The following MXRA8 variants were observed in gnomAD, a reference collection of about 807,000 sequenced individuals.
MXRA8 encodes matrix remodeling associated 8.
Under a neutral mutation model 51.4 loss-of-function variants are expected in MXRA8, and 44 were observed. The ratio of observed to expected loss-of-function variants is 0.86; its 90% confidence interval spans 0.67 to 1.10. MXRA8 has a LOEUF of 1.10. Ranked by LOEUF, MXRA8 falls within the 50% of genes least tolerant of loss-of-function variation. MXRA8 has a pLI of 0.00. For synonymous variants in MXRA8, 369 were observed against 293.5 expected (o/e 1.26, Z -2.63); for missense variants, 765 against 638.9 (o/e 1.20, Z -2.13).
upstream of MXRA8, among the ~76,000 whole-genome samples, chr1:1,362,780 C>A (rs1473912529): frequency 9.2e-5 from 13 of 141,150 alleles, no homozygotes; most frequent in South Asian, 4.5e-4. Context: ...GACTCCATCT[C>A]AAAAAAAAAA....
Position 1,354,499 on chromosome 1 carries a change from C to T in MXRA8, c.960G>A (p.Leu320=). The change falls in exon 6 of 10, where the codon CTG becomes CTA. Residue 320 remains leucine, a synonymous_variant. Coordinates refer to ENST00000309212, the MANE Select transcript of MXRA8 (RefSeq NM_032348.4). ...CATTGATGACGTTGTGGCCGCGCGC[C>T]AGTGTGGGGTCTGCGGGGAACGCGG... The part of the protein sequence containing the change: ...HSGAPGPDPT[L]ARGHNVINVI... The T allele has an allele frequency of 1.9e-6, 3 of 1,611,984 alleles. No homozygotes were observed. The highest frequency in any genetic ancestry group is 2.5e-6 in the Non-Finnish European group (3 of 1,179,680).
In MXRA8 at chr1:1,354,012, G is replaced by A; in HGVS notation, c.1222+18C>T. ...CTGGGAGCCGCGCCTGTGCCCTCGT[G>A]TCCCAGCACTGCCTCACCTAGCTGG... is the stretch of plus-strand genomic sequence containing the variant. On this transcript the variant is annotated intron_variant, in intron 8 of 9. Coordinates refer to ENST00000309212, the MANE Select transcript of MXRA8 (RefSeq NM_032348.4). The A allele has an allele frequency of 6.2e-7, 1 of 1,612,480 alleles. No individual in the cohort carries two copies. The highest frequency in any genetic ancestry group is 8.5e-7 in the Non-Finnish European group (1 of 1,179,722).
chr1:1,353,688 G>C, intron 9 of MXRA8, 59 bp from the exon 10 acceptor site: 3 of 1,528,522 alleles, frequency 2.0e-6, no homozygotes, highest in South Asian at 2.4e-5. Context: ...CACAGTGGGA[G>C]ACACAGGGCA....
chr1:1,356,178 G>A (rs1206783471), intron 2 of MXRA8, among the ~76,000 whole-genome samples: 1 of 131,534 alleles, frequency 7.6e-6, no homozygotes, highest in Non-Finnish European at 1.7e-5. Flanking sequence ...GGCCCATGTG[G>A]GGGAAGGGGA....
At chr1:1,358,300 C>T (rs911412677) in intron 1 of MXRA8, among the ~76,000 whole-genome samples, 156 bp downstream of exon 1, 5 of 152,252 alleles carry the variant, frequency 3.3e-5, no homozygotes, top group Admixed American at 2.6e-4. Context: ...CAGCCTCTGG[C>T]AAGCGGCTCT....
At chr1:1,353,954 C>G in intron 8 of MXRA8, 26 bp from the exon 9 acceptor site, 1 of 1,604,792 alleles carries the variant, frequency 6.2e-7, no homozygotes, top group Non-Finnish European at 8.5e-7. Context: ...AGGCTGAGGT[C>G]CCCGCTCCCA....
chr1:1,361,430 A>C, upstream of MXRA8: 3 of 651,698 alleles, frequency 4.6e-6, no homozygotes, highest in Non-Finnish European at 8.4e-6. Context: ...AGGGAATGAG[A>C]CAGGGGTCGG....
At position 1,355,317 on chromosome 1, in the gene MXRA8, G is replaced by A. The variant is rs766716609; in HGVS notation, c.405C>T (p.Tyr135=). Reference sequence around the variant, plus strand: ...AGTAGTGATGGTGCAGGTTGCAGGTGTACAGCCCCGCGTCCGTCTCCTCCA... The same window carrying A: ...AGTAGTGATGGTGCAGGTTGCAGGTATACAGCCCCGCGTCCGTCTCCTCCA... ...RAVEETDAGL[Y]TCNLHHHYCH... Residue 135 remains tyrosine (Y), a synonymous_variant, in exon 4 of 10, where the codon TAC becomes TAT. Coordinates refer to ENST00000309212, the MANE Select transcript of MXRA8 (RefSeq NM_032348.4). The A allele has an allele frequency of 8.9e-6, 14 of 1,579,358 alleles. No individual in the cohort carries two copies. The highest frequency in any genetic ancestry group is 1.2e-5 in the Non-Finnish European group (14 of 1,166,268).
At chr1:1,361,142 G>A, upstream of MXRA8, 1 of 698,786 alleles carries the variant, frequency 1.4e-6, no homozygotes, top group Non-Finnish European at 2.6e-6. Context: ...CGGACACACA[G>A]AGAAGATACA....
In MXRA8 at chr1:1,353,986, AC is replaced by A. The variant is rs1644061174; in HGVS notation, c.1222+43del. The A allele has an allele frequency of 7.1e-6, 10 of 1,402,746 alleles. No homozygotes were observed. In the East Asian group the frequency reaches 1.2e-4, roughly 17 times the overall value. The allele number at this position is 1,402,746 out of a possible 1,614,324, so 86.9% of individuals were successfully genotyped here. A position where few individuals can be genotyped will look rare whatever the true frequency, so the allele number is the denominator to read the frequency against. ...CCCAGGATGCACTTCCCAGCCCGGG[AC>A]TGGGAGCCGCGCCTGTGCCCTCGTG... On this transcript the variant is annotated intron_variant, in intron 8 of 9. Coordinates refer to ENST00000309212, the MANE Select transcript of MXRA8 (RefSeq NM_032348.4).
At position 1,353,170 on chromosome 1, in the gene MXRA8, G is replaced by T; in HGVS notation, c.*434C>A. ...CTTCAAGGCTGCCAAGTTCTGATGG[G>T]AGTGTCCTCCTCCAGGAACATCTCC... On this transcript the variant is annotated 3_prime_UTR_variant, in exon 10 of 10. Transcript: ENST00000309212. 1 of 1,016,926 alleles carries T rather than the reference G, an allele frequency of 9.8e-7. No homozygotes were observed. Among genetic ancestry groups the T allele is most frequent in the Non-Finnish European group, 1.5e-6 (1 of 666,390 alleles). The allele number at this position is 1,016,926 out of a possible 1,614,324, so 63.0% of individuals were successfully genotyped here.
upstream of MXRA8, among the ~76,000 whole-genome samples, chr1:1,359,700 C>T (rs990438680): frequency 2.5e-4 from 37 of 151,014 alleles, no homozygotes; most frequent in African/African-American, 8.9e-4. Flanking sequence ...CACGGACCGG[C>T]GTAAGGACAG....
chr1:1,361,946 A>C (rs1318637569), upstream of MXRA8, among the ~76,000 whole-genome samples: 1 of 152,248 alleles, frequency 6.6e-6, no homozygotes, highest in Non-Finnish European at 1.5e-5. Context: ...AGATATATTG[A>C]AGTTTTGGTT....
upstream of MXRA8, among the ~76,000 whole-genome samples, chr1:1,360,923 C>T (rs191286731): frequency 6.0e-4 from 91 of 152,020 alleles, no homozygotes; most frequent in African/African-American, 1.6e-3. Context: ...CACACGAAGA[C>T]ACATGGAGAC....
Position 1,355,637 on chromosome 1 carries a change from C to CT in MXRA8, c.188dup (p.Asp64GlyfsTer188). 6.8e-7 allele frequency: 1 copy of CT among 1,463,334 alleles called. No individual in the cohort carries two copies. The highest frequency in any genetic ancestry group is 9.0e-7 in the Non-Finnish European group (1 of 1,114,092). 90.6% of individuals were successfully genotyped at this position (1,463,334 alleles called of 1,614,324 possible). A position where few individuals can be genotyped will look rare whatever the true frequency, so the allele number is the denominator to read the frequency against. On this transcript the variant is annotated frameshift_variant, in exon 3 of 10. Transcript: ENST00000309212. LOFTEE classifies it high-confidence loss of function. ...CGCGCTGGCGGTCGTGCAGCCGGTC[C>CT]TGGGTCCACACCATGCGCGGGCTCT...
intron 6 of MXRA8, 32 bp from the exon 7 acceptor site, chr1:1,354,264 C>G (rs748277555): frequency 1.2e-6 from 2 of 1,607,318 alleles, no homozygotes; most frequent in Admixed American, 3.4e-5. Flanking sequence ...GGGGCAGTGC[C>G]GCCCCTTCCG....
upstream of MXRA8, chr1:1,361,250 G>T: frequency 2.8e-6 from 2 of 703,502 alleles, no homozygotes; most frequent in African/African-American, 3.5e-5. Context: ...ACCTGTGGCC[G>T]CACAGCGGAT....
upstream of MXRA8, among the ~76,000 whole-genome samples, chr1:1,361,024 A>G (rs111352671): frequency 0.032 from 4,900 of 152,002 alleles, 254 homozygotes; most frequent in African/African-American, 0.11. Context: ...AGACACATAC[A>G]CATGCATGCA....
At position 1,352,884 on chromosome 1, in the gene MXRA8, G is replaced by C. The variant is rs1363381222; in HGVS notation, c.*720C>G. 1 of 293,920 alleles carries C rather than the reference G, an allele frequency of 3.4e-6. No homozygotes were observed. The highest frequency in any genetic ancestry group is 5.3e-5 in the Admixed American group (1 of 18,824). The allele number at this position is 293,920 out of a possible 1,614,324, so 18.2% of individuals were successfully genotyped here. On this transcript the variant is annotated 3_prime_UTR_variant, in exon 10 of 10. Transcript: ENST00000309212. ...GCAGAGTCCAAGGGAGGGGTGTCAG[G>C]GTCAGAAGTCACAGGGAGCCCAGTG...
Sources: allele counts gnomAD v4.1 joint callset (sites outside exome capture counted in the v4.1 genomes callset), GRCh38; gene constraint gnomAD v4.1.1; transcripts MANE v1.5; gene names NCBI Gene and HGNC (gene_info 2026-07-23, HGNC 2026-07-21).